The following SLC2A12 variants were observed in gnomAD, a reference collection of about 807,000 sequenced individuals.
SLC2A12 encodes solute carrier family 2 member 12.
SLC2A12 carries 23 observed loss-of-function variants against 41.8 expected under a neutral mutation model. That is an observed-to-expected ratio of 0.55 (90% CI 0.40 to 0.78). SLC2A12 has a LOEUF of 0.78. Ranked by LOEUF, SLC2A12 falls within the 30% of genes least tolerant of loss-of-function variation. SLC2A12 has a pLI of 0.00. For missense variants in SLC2A12, 654 were observed against 745.6 expected (o/e 0.88, Z 1.43); for synonymous variants, 295 against 285.9 (o/e 1.03, Z -0.32).
At chr6:134,009,246 G>A (rs2114437149) in intron 2 of SLC2A12, 1 of 152,276 alleles carries the variant, frequency 6.6e-6, no homozygotes, top group East Asian at 1.9e-4. Context: ...TAGCAGCTAA[G>A]CCAAGTCCTC....
chr6:134,022,573 G>GAAAA (rs754610697), intron 2 of SLC2A12, among the ~76,000 whole-genome samples: 1 of 103,186 alleles, frequency 9.7e-6, no homozygotes, highest in Admixed American at 9.5e-5. Flanking sequence ...GAAAAGAAAA[G>GAAAA]AAAAGAAAAG....
At chr6:134,030,715 T>C (rs566355513) in intron 1 of SLC2A12, among the ~76,000 whole-genome samples, 3 of 152,298 alleles carry the variant, frequency 2.0e-5, no homozygotes, top group African/African-American at 4.8e-5. Context: ...GGCCAACATA[T>C]AACATGTGGG....
intron 1 of SLC2A12, among the ~76,000 whole-genome samples, chr6:134,040,715 C>T (rs945986551): frequency 6.6e-6 from 1 of 152,212 alleles, no homozygotes; most frequent in Non-Finnish European, 1.5e-5. Context: ...CTCCTTTTAT[C>T]AGGAGGAAAA....
chr6:134,006,349 G>A (rs1394049322), intron 3 of SLC2A12, among the ~76,000 whole-genome samples: 1 of 151,958 alleles, frequency 6.6e-6, no homozygotes, highest in Non-Finnish European at 1.5e-5. Context: ...AGATGGAGGA[G>A]ATGGAGACAA....
intron 2 of SLC2A12, among the ~76,000 whole-genome samples, chr6:134,013,605 T>C (rs1337252203): frequency 1.3e-5 from 2 of 152,198 alleles, no homozygotes; most frequent in African/African-American, 4.8e-5. Flanking sequence ...ATGAAAATGA[T>C]TGTTCTCAAG....
Position 134,028,566 on chromosome 6 carries a change from A to T in SLC2A12, c.1259T>A (p.Met420Lys). The change falls in exon 2 of 5, where the codon ATG becomes AAG. Residue 420 changes from methionine to lysine, a missense_variant. This residue lies in a region of SLC2A12 where 411 missense variants were observed against 412.1 expected (regional missense o/e 1.00). Coordinates refer to ENST00000275230, the MANE Select transcript of SLC2A12 (RefSeq NM_145176.3). The stretch of plus-strand genomic sequence containing the variant: ...CTTATCCACATCATTTCTCAGGGGC[A>T]TGAGTGAGCTTCTGCTATGGGAAGA... ...GISSHSRSSL[M>K]PLRNDVDKRG... 1 of 1,614,184 alleles carries T rather than the reference A, an allele frequency of 6.2e-7. No homozygotes were observed.
chr6:134,028,840 T>A lies in SLC2A12; in HGVS notation c.985A>T (p.Ile329Phe). ...AGAAGAGTGGCAGGGATGGTGCTAA[T>A]GACCTTGACGACTCCAACCCCAGTG... Reference protein sequence around the residue: ...ASTGVGVVKVISTIPATLLVD... With the variant: ...ASTGVGVVKVFSTIPATLLVD... Residue 329 changes from isoleucine (I) to phenylalanine (F), a missense_variant, in exon 2 of 5, where the codon ATT (isoleucine) becomes TTT (phenylalanine). Physicochemically the swap from Ile to Phe is conservative, Grantham distance 21. Coordinates refer to ENST00000275230, the MANE Select transcript of SLC2A12 (RefSeq NM_145176.3). 6.2e-7 allele frequency: 1 copy of A among 1,614,212 alleles called. No homozygotes were observed. Among genetic ancestry groups the A allele is most frequent in the South Asian group, 1.1e-5 (1 of 91,090 alleles).
chr6:134,046,704 G>A (rs951454263), intron 1 of SLC2A12, among the ~76,000 whole-genome samples: 4 of 152,016 alleles, frequency 2.6e-5, no homozygotes, highest in African/African-American at 9.7e-5. Flanking sequence ...CCAGCTTCTT[G>A]GGTGGCTGAG....
chr6:134,028,959 A>G lies in SLC2A12; in HGVS notation c.866T>C (p.Val289Ala). ...IMIGLTLVFF[V>A]QITGQPNILF... ...TATGTTTGGTTGGCCAGTGATTTGT[A>G]CAAAAAATACTAGTGTTAGTCCTAT... The change falls in exon 2 of 5, where the codon GTA becomes GCA. Residue 289 changes from valine to alanine, a missense_variant. Physicochemically the swap from Val to Ala is moderately conservative, Grantham distance 64 (BLOSUM62 0). Transcript: ENST00000275230. 6.2e-7 allele frequency: 1 copy of G among 1,614,258 alleles called. No homozygotes were observed. The highest frequency in any genetic ancestry group is 8.5e-7 in the Non-Finnish European group (1 of 1,180,046).
At chr6:134,015,431 C>A (rs1404245963) in intron 2 of SLC2A12, among the ~76,000 whole-genome samples, 2 of 152,138 alleles carry the variant, frequency 1.3e-5, no homozygotes, top group Non-Finnish European at 2.9e-5. Context: ...ACCTATGTAA[C>A]AAACCTCCAC....
chr6:134,049,691 T>C (rs1260374323), intron 1 of SLC2A12, among the ~76,000 whole-genome samples: 1 of 152,220 alleles, frequency 6.6e-6, no homozygotes, highest in African/African-American at 2.4e-5. Context: ...CTTTGAGTCA[T>C]AGCTTATTGA....
In SLC2A12 at chr6:134,052,505, T is replaced by A; in HGVS notation, c.-25A>T. ...TGGTCACGTAGAAGTTACAGCCGCT[T>A]CCCCGCCACCAAACCGCCCCGACCA... On this transcript the variant is annotated 5_prime_UTR_variant, in exon 1 of 5. It introduces an in-frame stop codon into an upstream open reading frame of the 5' UTR. Transcript: ENST00000275230. 1 of 1,597,886 alleles carries A rather than the reference T, an allele frequency of 6.3e-7. No individual in the cohort carries two copies. Among genetic ancestry groups the A allele is most frequent in the Non-Finnish European group, 8.6e-7 (1 of 1,168,856 alleles).
intron 2 of SLC2A12, among the ~76,000 whole-genome samples, chr6:134,025,824 G>A (rs750933047): frequency 3.9e-5 from 6 of 152,214 alleles, no homozygotes; most frequent in Non-Finnish European, 7.3e-5. Flanking sequence ...TGGGATTACA[G>A]GCATGAGCCA....
intron 2 of SLC2A12, among the ~76,000 whole-genome samples, chr6:134,007,249 T>G (rs2114434290): frequency 6.6e-6 from 1 of 152,378 alleles, no homozygotes; most frequent in East Asian, 1.9e-4. Context: ...TGGGGCCACC[T>G]GCCTGGCAGC....
At position 134,040,058 on chromosome 6, in the gene SLC2A12, G is replaced by GTT. The variant is rs11371413; in HGVS notation, c.104-10339_104-10338dup. On this transcript the variant is annotated intron_variant, in intron 1 of 4. Coordinates refer to ENST00000275230, the MANE Select transcript of SLC2A12 (RefSeq NM_145176.3). ...ATCCAATCTCAGGTTGTTGTTTTTT[G>GTT]TTTTTTTTTTTTTGTTTTTTGTTTT... Among the ~76,000 whole-genome samples the GTT allele has an allele frequency of 2.9e-3, 406 of 139,264 alleles. 3 individuals are homozygous for GTT. The highest frequency in any genetic ancestry group is 6.6e-3 in the African/African-American group (243 of 37,092). 91.4% of individuals were successfully genotyped at this position (139,264 alleles called of 152,430 possible).
intron 3 of SLC2A12, among the ~76,000 whole-genome samples, chr6:134,005,283 G>A (rs1447670051): frequency 7.9e-5 from 12 of 151,978 alleles, no homozygotes; most frequent in East Asian, 3.9e-4. Flanking sequence ...CCTTATTTCC[G>A]ACATAGGGAT....
chr6:134,032,779 CTATA>C (rs1281795107), intron 1 of SLC2A12, among the ~76,000 whole-genome samples: 2 of 105,548 alleles, frequency 1.9e-5, no homozygotes, highest in African/African-American at 4.5e-5. Context: ...TGTTTCACTG[CTATA>C]TATATATATT....
chr6:134,034,257 C>A (rs1415041459), intron 1 of SLC2A12, among the ~76,000 whole-genome samples: 1 of 152,124 alleles, frequency 6.6e-6, no homozygotes, highest in East Asian at 1.9e-4. Flanking sequence ...GACGGCTTAC[C>A]AACATGGAGT....
intron 2 of SLC2A12, 146 bp from the exon 3 acceptor site, chr6:134,007,080 A>T: frequency 8.7e-7 from 1 of 1,145,160 alleles, no homozygotes; most frequent in Non-Finnish European, 1.2e-6. Context: ...GCAGAACAGG[A>T]CAGTAAAGGG....
Sources: allele counts gnomAD v4.1 joint callset (sites outside exome capture counted in the v4.1 genomes callset), GRCh38; gene constraint gnomAD v4.1.1; regional missense constraint gnomAD v4.1.1; transcripts MANE v1.5; gene names NCBI Gene and HGNC (gene_info 2026-07-23, HGNC 2026-07-21).